Variants in TSPAN18 observed in about 807,000 individuals in gnomAD.
TSPAN18 encodes tetraspanin-18.
Under a neutral mutation model 27.3 loss-of-function variants are expected in TSPAN18, and 14 were observed. The ratio of observed to expected loss-of-function variants is 0.51; its 90% confidence interval spans 0.34 to 0.80. TSPAN18 has a LOEUF of 0.80. TSPAN18 is among the 30% of genes least tolerant of loss of function. The pLI, the probability that TSPAN18 is intolerant of heterozygous loss-of-function variation, is 0.01. For synonymous variants in TSPAN18, 143 were observed against 136.5 expected, an observed-to-expected ratio of 1.05 and a Z score of -0.33; for missense variants, 268 against 323.9, an observed-to-expected ratio of 0.83 and a Z score of 1.32.
intron 3 of TSPAN18, among the ~76,000 whole-genome samples, chr11:44,879,676 CCAA>C (rs888828302): frequency 1.2e-4 from 18 of 152,284 alleles, no homozygotes; most frequent in African/African-American, 4.3e-4. Flanking sequence ...GGAGGTAAGC[CCAA>C]CAAGGCAGGG....
intron 3 of TSPAN18, among the ~76,000 whole-genome samples, chr11:44,888,735 A>C (rs1244863570): frequency 6.6e-6 from 1 of 152,096 alleles, no homozygotes; most frequent in Non-Finnish European, 1.5e-5. Flanking sequence ...TGAGCTGTAG[A>C]ATTGGGGTAA....
chr11:44,771,457 A>C (rs548832056), intron 2 of TSPAN18, among the ~76,000 whole-genome samples: 5 of 152,224 alleles, frequency 3.3e-5, no homozygotes, highest in African/African-American at 4.8e-5. Flanking sequence ...CCTGAGCTGG[A>C]GGAGGCCACC....
intron 2 of TSPAN18, among the ~76,000 whole-genome samples, chr11:44,767,908 A>T (rs1200286433): frequency 6.6e-6 from 1 of 152,202 alleles, no homozygotes; most frequent in Non-Finnish European, 1.5e-5. Context: ...ATATCAGTTG[A>T]CATATATATG....
At chr11:44,873,565 A>G (rs1257207612) in intron 3 of TSPAN18, among the ~76,000 whole-genome samples, 2 of 152,236 alleles carry the variant, frequency 1.3e-5, no homozygotes, top group Admixed American at 6.5e-5. Flanking sequence ...GATGCATTTT[A>G]CAGGGCTTAA....
Position 44,909,906 on chromosome 11 carries a change from AC to A in TSPAN18, c.258+11del. The A allele has an allele frequency of 6.2e-7, 1 of 1,604,020 alleles. No individual in the cohort carries two copies. Reference sequence around the variant, plus strand: ...CAAGTGTCTGCTGCTATTTGTGAGTACCCCAGCCCCCACCCCATCCATGGGT... The same window carrying A: ...CAAGTGTCTGCTGCTATTTGTGAGTACCCAGCCCCCACCCCATCCATGGGT... On this transcript the variant is annotated splice_region_variant and intron_variant, in intron 5 of 9. Coordinates refer to ENST00000520358, the MANE Select transcript of TSPAN18 (RefSeq NM_130783.5).
chr11:44,867,105 A>G (rs139262853), intron 3 of TSPAN18, among the ~76,000 whole-genome samples: 12 of 152,296 alleles, frequency 7.9e-5, no homozygotes, highest in African/African-American at 2.6e-4. Flanking sequence ...GTTCTCAAAC[A>G]TGATCCTCAG....
At chr11:44,807,399 G>A (rs374499578) in intron 2 of TSPAN18, among the ~76,000 whole-genome samples, 7 of 110,334 alleles carry the variant, frequency 6.3e-5, no homozygotes, top group African/African-American at 1.3e-4. Context: ...GTGGTGGTGC[G>A]TGCCTGTAGT....
chr11:44,894,263 G>A (rs1222875712), intron 3 of TSPAN18, among the ~76,000 whole-genome samples: 1 of 152,210 alleles, frequency 6.6e-6, no homozygotes, highest in Non-Finnish European at 1.5e-5. Context: ...GCTGGCACAG[G>A]CAGATCCCCC....
chr11:44,861,751 G>C (rs531625318), intron 3 of TSPAN18, among the ~76,000 whole-genome samples: 1 of 149,004 alleles, frequency 6.7e-6, no homozygotes, highest in African/African-American at 2.5e-5. Flanking sequence ...CTCTCTCTAA[G>C]TGCCTCATTT....
intron 2 of TSPAN18, among the ~76,000 whole-genome samples, chr11:44,770,933 G>T (rs564463865): frequency 6.6e-6 from 1 of 152,124 alleles, no homozygotes; most frequent in Non-Finnish European, 1.5e-5. Context: ...GTGGAGGGAG[G>T]GCATATTGAG....
intron 1 of TSPAN18, among the ~76,000 whole-genome samples, chr11:44,731,822 C>T (rs368386699): frequency 1.3e-5 from 2 of 152,220 alleles, no homozygotes; most frequent in East Asian, 1.9e-4. Context: ...TATCCTGGCT[C>T]CTGGCAGTTG....
chr11:44,888,630 C>T (rs1176849047), intron 3 of TSPAN18, among the ~76,000 whole-genome samples: 1 of 152,162 alleles, frequency 6.6e-6, no homozygotes, highest in Non-Finnish European at 1.5e-5. Context: ...TGGTGTGTGG[C>T]CAGGAGTACC....
chr11:44,903,602 G>A (rs530150431), intron 3 of TSPAN18: 5 of 456,624 alleles, frequency 1.1e-5, no homozygotes, highest in African/African-American at 1.0e-4. Flanking sequence ...CTGCAGCCAT[G>A]TCTGGATGAG....
intron 2 of TSPAN18, among the ~76,000 whole-genome samples, chr11:44,846,438 C>T (rs1233281998): frequency 6.6e-6 from 1 of 152,228 alleles, no homozygotes; most frequent in Non-Finnish European, 1.5e-5. Context: ...GGGCCTGCCT[C>T]CCCTGAGGCC....
intron 2 of TSPAN18, among the ~76,000 whole-genome samples, chr11:44,852,850 C>T (rs926038972): frequency 1.3e-5 from 2 of 152,212 alleles, no homozygotes; most frequent in African/African-American, 4.8e-5. Context: ...TGAACTGTGA[C>T]AGATAAACCT....
At chr11:44,900,734 G>T (rs1249563880) in intron 3 of TSPAN18, among the ~76,000 whole-genome samples, 2 of 105,196 alleles carry the variant, frequency 1.9e-5, no homozygotes, top group African/African-American at 7.7e-5. Context: ...CACTCTTGTT[G>T]CCCAGGCTGA....
intron 2 of TSPAN18, among the ~76,000 whole-genome samples, chr11:44,770,804 A>AT (rs1251621309): frequency 6.6e-6 from 1 of 152,146 alleles, no homozygotes; most frequent in Non-Finnish European, 1.5e-5. Context: ...TTCAGGATCT[A>AT]TTTTGAGAGC....
At chr11:44,878,503 T>A (rs1858401973) in intron 3 of TSPAN18, among the ~76,000 whole-genome samples, 1 of 152,128 alleles carries the variant, frequency 6.6e-6, no homozygotes, top group South Asian at 2.1e-4. Flanking sequence ...CAGTATGGGC[T>A]GTTGAGCCTG....
intron 2 of TSPAN18, among the ~76,000 whole-genome samples, chr11:44,776,970 CCCCCTCTCACAAG>C (rs1449190508): frequency 1.3e-5 from 2 of 152,190 alleles, no homozygotes; most frequent in Non-Finnish European, 2.9e-5. Flanking sequence ...GAGAAAGATA[CCCCCTCTCACAAG>C]CTGGCTTCCT....
Sources: gnomAD v4.1 joint callset for allele counts (sites outside exome capture counted in the v4.1 genomes callset) on GRCh38, gnomAD v4.1.1 for gene constraint, MANE v1.5 for transcripts, NCBI Gene and HGNC (gene_info 2026-07-23, HGNC 2026-07-21) for gene names.